EXOC2: variants seen among roughly 807,000 people sequenced by gnomAD.
EXOC2 encodes exocyst complex component 2.
Under a neutral mutation model 131.8 loss-of-function variants are expected in EXOC2, and 70 were observed. That is an observed-to-expected ratio of 0.53 (90% CI 0.44 to 0.65). EXOC2 has a LOEUF of 0.65. EXOC2 is among the 30% of genes least tolerant of loss of function. The pLI is 0.00. For synonymous variants in EXOC2, 411 were observed against 398.4 expected (o/e 1.03, Z -0.38); for missense variants, 923 against 1,108.6 (o/e 0.83, Z 2.38).
At chr6:526,471 G>A (rs983105669) in intron 23 of EXOC2, among the ~76,000 whole-genome samples, 1 of 111,314 alleles carries the variant, frequency 9.0e-6, no homozygotes, top group South Asian at 2.8e-4. Context: ...ACAGAGTTTC[G>A]CTCTTGTTGC....
intron 6 of EXOC2, among the ~76,000 whole-genome samples, chr6:611,334 C>T (rs537933949): frequency 2.0e-5 from 3 of 152,274 alleles, no homozygotes; most frequent in East Asian, 1.9e-4. Flanking sequence ...GCAGCTGCAC[C>T]GAGTGGGCAC....
chr6:499,430 A>ACACAC, intron 24 of EXOC2, among the ~76,000 whole-genome samples: 2 of 141,742 alleles, frequency 1.4e-5, no homozygotes, highest in Non-Finnish European at 3.1e-5. Flanking sequence ...CTCACAGTTA[A>ACACAC]ACACACACAC....
chr6:542,983 A>T (rs1216654687), intron 22 of EXOC2, among the ~76,000 whole-genome samples: 2 of 152,194 alleles, frequency 1.3e-5, no homozygotes, highest in Non-Finnish European at 2.9e-5. Context: ...GGTTTTTGAA[A>T]GCCCATCCTG....
chr6:645,681 T>A (rs1230142816), intron 1 of EXOC2, among the ~76,000 whole-genome samples: 1 of 152,208 alleles, frequency 6.6e-6, no homozygotes, highest in Non-Finnish European at 1.5e-5. Context: ...CAAAGAAGTG[T>A]ACTGGTAGAT....
intron 6 of EXOC2, among the ~76,000 whole-genome samples, chr6:614,967 A>G (rs777496588): frequency 6.6e-6 from 1 of 152,116 alleles, no homozygotes; most frequent in Non-Finnish European, 1.5e-5. Context: ...TTAAAAACAC[A>G]AAAAAGATAT....
chr6:609,665 T>C (rs962224769), intron 7 of EXOC2, among the ~76,000 whole-genome samples: 4 of 152,198 alleles, frequency 2.6e-5, no homozygotes, highest in Non-Finnish European at 1.5e-5. Context: ...AAAGGCAAGT[T>C]ATACACAAAT....
chr6:583,802 A>G (rs1759048075), intron 11 of EXOC2, among the ~76,000 whole-genome samples: 1 of 152,230 alleles, frequency 6.6e-6, no homozygotes, highest in Admixed American at 6.5e-5. Flanking sequence ...GCACAGCAGA[A>G]GCCTTCCCTG....
intron 23 of EXOC2, among the ~76,000 whole-genome samples, chr6:502,134 T>C (rs1265877801): frequency 6.6e-6 from 1 of 152,182 alleles, no homozygotes; most frequent in Non-Finnish European, 1.5e-5. Flanking sequence ...GACCAGCTCA[T>C]GTAGACGCAC....
chr6:489,963 G>A (rs1763327617), intron 26 of EXOC2, among the ~76,000 whole-genome samples: 1 of 152,202 alleles, frequency 6.6e-6, no homozygotes, highest in Non-Finnish European at 1.5e-5. Flanking sequence ...GTGGGGTGTG[G>A]GACGGGTGGC....
intron 12 of EXOC2, among the ~76,000 whole-genome samples, chr6:576,272 T>C (rs1758572037): frequency 6.6e-6 from 1 of 152,174 alleles, no homozygotes; most frequent in Admixed American, 6.5e-5. Flanking sequence ...CTCCAGAAAG[T>C]TCAGAAATGC....
In EXOC2 at chr6:599,022, A is replaced by G; in HGVS notation, c.888+58T>C. 1.9e-6 allele frequency: 3 copies of G among 1,566,156 alleles called. No homozygotes were observed. The South Asian group carries it at 3.6e-5, about 19-fold the overall frequency. On this transcript the variant is annotated intron_variant, in intron 8 of 27. Coordinates refer to ENST00000230449, the MANE Select transcript of EXOC2 (RefSeq NM_018303.6). ...GGTTAATATAAAAAACATCTTAAAA[A>G]ATCTTAAAAATGTATGACATCTACA...
chr6:588,145 C>CA (rs1312639740), intron 11 of EXOC2, among the ~76,000 whole-genome samples: 2 of 152,098 alleles, frequency 1.3e-5, no homozygotes, highest in Non-Finnish European at 1.5e-5. Context: ...GACCTAAGTT[C>CA]AAAAAACCAC....
chr6:534,159 T>C (rs938080750), intron 22 of EXOC2, among the ~76,000 whole-genome samples: 2 of 152,072 alleles, frequency 1.3e-5, no homozygotes, highest in Admixed American at 6.5e-5. Context: ...TGTAAAGACA[T>C]GAAAACTATG....
chr6:586,513 T>C (rs1197883668), intron 11 of EXOC2, among the ~76,000 whole-genome samples: 2 of 152,234 alleles, frequency 1.3e-5, no homozygotes, highest in African/African-American at 4.8e-5. Context: ...AATTCACCTA[T>C]GTATAGCAAA....
intron 2 of EXOC2, among the ~76,000 whole-genome samples, chr6:634,867 G>C (rs1164352107): frequency 6.6e-6 from 1 of 152,012 alleles, no homozygotes; most frequent in Non-Finnish European, 1.5e-5. Flanking sequence ...TAACTTAAGA[G>C]ATTGAAAGCC....
At chr6:525,831 G>A (rs1765705572) in intron 23 of EXOC2, among the ~76,000 whole-genome samples, 1 of 152,084 alleles carries the variant, frequency 6.6e-6, no homozygotes, top group Non-Finnish European at 1.5e-5. Flanking sequence ...ATGAATGCAT[G>A]TCTCCTTAAT....
chr6:596,513 A>T (rs1759829291), intron 10 of EXOC2, among the ~76,000 whole-genome samples: 2 of 152,016 alleles, frequency 1.3e-5, no homozygotes, highest in African/African-American at 4.8e-5. Context: ...GTCTACAGGC[A>T]TGCATCCCCG....
In EXOC2 at chr6:610,091, A is replaced by G. The variant is rs1169298269; in HGVS notation, c.742+7T>C. 1 of 1,613,164 alleles carries G rather than the reference A, an allele frequency of 6.2e-7. No individual in the cohort carries two copies. The highest frequency in any genetic ancestry group is 1.1e-5 in the South Asian group (1 of 90,782). On this transcript the variant is annotated splice_region_variant and intron_variant, in intron 7 of 27. Transcript: ENST00000230449. The stretch of plus-strand genomic sequence containing the variant: ...TAAATAGTTCTGGGTAGTAGGACAA[A>G]ACTTACTGTTCAGAACATTCTCCAG...
At chr6:613,617 A>C (rs1760827349) in intron 6 of EXOC2, among the ~76,000 whole-genome samples, 1 of 152,152 alleles carries the variant, frequency 6.6e-6, no homozygotes, top group Non-Finnish European at 1.5e-5. Flanking sequence ...TTTCTTAACC[A>C]CACAGCTCGT....
Sources: gnomAD v4.1 joint callset for allele counts (sites outside exome capture counted in the v4.1 genomes callset) on GRCh38, gnomAD v4.1.1 for gene constraint, MANE v1.5 for transcripts, NCBI Gene and HGNC (gene_info 2026-07-23, HGNC 2026-07-21) for gene names.